Variants in GPC5 observed in about 807,000 individuals in gnomAD.
GPC5 encodes glypican-5.
GPC5 carries 47 observed loss-of-function variants against 53.9 expected under a neutral mutation model. The ratio of observed to expected loss-of-function variants is 0.87; its 90% CI spans 0.69 to 1.11. The LOEUF is 1.11. GPC5 is among the 50% of genes most tolerant of loss of function. The probability of loss-of-function intolerance (pLI) is 0.00; values close to 1 mark genes in which losing one functional copy is unlikely to be tolerated. For missense variants in GPC5, 748 were observed against 713.1 expected (o/e 1.05, Z -0.56); for synonymous variants, 286 against 263.3 (o/e 1.09, Z -0.84).
chr13:92,388,131 A>G (rs1874823078), intron 7 of GPC5, among the ~76,000 whole-genome samples: 1 of 152,070 alleles, frequency 6.6e-6, no homozygotes, highest in Non-Finnish European at 1.5e-5. Flanking sequence ...GTATTGTTTT[A>G]AACCTATTTC....
chr13:92,351,706 A>G (rs745563314), intron 7 of GPC5, among the ~76,000 whole-genome samples: 1 of 152,180 alleles, frequency 6.6e-6, no homozygotes. Flanking sequence ...TTGCATTTCT[A>G]TACAAAGGCA....
chr13:92,399,511 C>T (rs1158758130), intron 7 of GPC5, among the ~76,000 whole-genome samples: 1 of 152,086 alleles, frequency 6.6e-6, no homozygotes, highest in African/African-American at 2.4e-5. Flanking sequence ...CTATTTACCC[C>T]CAGCCACCTC....
intron 7 of GPC5, among the ~76,000 whole-genome samples, chr13:92,694,944 C>T (rs1336791808): frequency 6.6e-6 from 1 of 152,050 alleles, no homozygotes; most frequent in African/African-American, 2.4e-5. Flanking sequence ...GGTGGGGTCC[C>T]CCATGTTGTT....
At chr13:92,298,597 T>C (rs983963161) in intron 7 of GPC5, among the ~76,000 whole-genome samples, 18 of 152,200 alleles carry the variant, frequency 1.2e-4, no homozygotes, top group African/African-American at 3.9e-4. Flanking sequence ...CCTTCAGTTT[T>C]CCCCCTGGGG....
intron 2 of GPC5, among the ~76,000 whole-genome samples, chr13:91,538,810 C>T (rs941508869): frequency 6.6e-6 from 1 of 151,010 alleles, no homozygotes; most frequent in Non-Finnish European, 1.5e-5. Flanking sequence ...TCTCGATCTC[C>T]TGACCTCATG....
chr13:91,594,138 T>A (rs1212674326), intron 2 of GPC5, among the ~76,000 whole-genome samples: 1 of 152,222 alleles, frequency 6.6e-6, no homozygotes, highest in African/African-American at 2.4e-5. Flanking sequence ...AGATTATGAT[T>A]TTTAGGCCAG....
chr13:91,819,541 T>C (rs1231091401), intron 5 of GPC5, among the ~76,000 whole-genome samples: 1 of 152,236 alleles, frequency 6.6e-6, no homozygotes, highest in Non-Finnish European at 1.5e-5. Context: ...TGGCATCTAC[T>C]GCTCAATATT....
At chr13:92,768,698 GTGGGAGTTCTT>G in intron 7 of GPC5, among the ~76,000 whole-genome samples, 1 of 151,842 alleles carries the variant, frequency 6.6e-6, no homozygotes, top group South Asian at 2.1e-4. Context: ...AAGCTGGCCA[GTGGGAGTTCTT>G]TGACTCTCTT....
intron 6 of GPC5, among the ~76,000 whole-genome samples, chr13:92,129,864 T>A (rs1157626549): frequency 6.6e-6 from 1 of 152,046 alleles, no homozygotes; most frequent in Non-Finnish European, 1.5e-5. Context: ...ATAACTGAAT[T>A]GGACATAAAG....
intron 2 of GPC5, among the ~76,000 whole-genome samples, chr13:91,600,328 AGAGAGAGAGAGAGAGAGAGAGT>A (rs1048070575): frequency 1.1e-4 from 13 of 119,900 alleles, no homozygotes; most frequent in Middle Eastern, 3.9e-3. Context: ...AGAGAGAGAG[AGAGAGAGAGAGAGAGAGAGAGT>A]GTGTGTGTGT....
intron 7 of GPC5, among the ~76,000 whole-genome samples, chr13:92,663,314 T>G (rs1886412606): frequency 6.6e-6 from 1 of 152,148 alleles, no homozygotes; most frequent in East Asian, 1.9e-4. Context: ...CAATTTATTA[T>G]TATCAGAGAC....
intron 7 of GPC5, among the ~76,000 whole-genome samples, chr13:92,183,016 G>A (rs2042158937): frequency 6.6e-6 from 1 of 152,160 alleles, no homozygotes; most frequent in Non-Finnish European, 1.5e-5. Context: ...ATGTGTTAAT[G>A]TTTGTTTTAT....
chr13:92,008,937 CTA>C (rs2040635706), intron 6 of GPC5, among the ~76,000 whole-genome samples: 3 of 152,032 alleles, frequency 2.0e-5, no homozygotes, highest in Admixed American at 6.6e-5. Flanking sequence ...TTTCCTTCCG[CTA>C]TATCCAATAT....
chr13:92,774,692 T>C (rs1441020204), intron 7 of GPC5, among the ~76,000 whole-genome samples: 1 of 152,202 alleles, frequency 6.6e-6, no homozygotes, highest in South Asian at 2.1e-4. Context: ...GAAAGTTTAA[T>C]GTTTGTAGGT....
intron 7 of GPC5, among the ~76,000 whole-genome samples, chr13:92,744,680 G>T (rs1223428070): frequency 1.3e-5 from 2 of 152,088 alleles, no homozygotes; most frequent in Non-Finnish European, 2.9e-5. Flanking sequence ...CAATTAAAGT[G>T]ATGAAATAAC....
At chr13:91,519,265 A>T (rs1885674796) in intron 2 of GPC5, among the ~76,000 whole-genome samples, 1 of 152,178 alleles carries the variant, frequency 6.6e-6, no homozygotes, top group Non-Finnish European at 1.5e-5. Context: ...TAAAAACTGA[A>T]TCATGACCCT....
At chr13:91,940,805 G>A (rs111418648) in intron 6 of GPC5, among the ~76,000 whole-genome samples, 7,611 of 152,114 alleles carry the variant, frequency 0.05, 591 homozygotes, top group African/African-American at 0.17. Context: ...TTTGAGAAGC[G>A]TCTGTTCGTG....
intron 2 of GPC5, among the ~76,000 whole-genome samples, chr13:91,531,988 C>A (rs1220192769): frequency 6.6e-6 from 1 of 151,976 alleles, no homozygotes; most frequent in Non-Finnish European, 1.5e-5. Context: ...TTCTGGGGAT[C>A]CAGCTAACTG....
chr13:92,716,784 G>A (rs1237731763), intron 7 of GPC5, among the ~76,000 whole-genome samples: 1 of 152,120 alleles, frequency 6.6e-6, no homozygotes, highest in Non-Finnish European at 1.5e-5. Flanking sequence ...AGTTTGTGTT[G>A]GAACCTGGAC....
Sources: gnomAD v4.1 joint callset for allele counts (sites outside exome capture counted in the v4.1 genomes callset) on GRCh38, gnomAD v4.1.1 for gene constraint, MANE v1.5 for transcripts, NCBI Gene and HGNC (gene_info 2026-07-23, HGNC 2026-07-21) for gene names.